The following DPF3 variants were observed in gnomAD, a reference collection of about 807,000 sequenced individuals.
DPF3 encodes the protein double PHD fingers 3.
In DPF3, 18 loss-of-function variants were observed where a neutral mutation model predicts 56.8. That is an observed-to-expected ratio of 0.32 (90% CI 0.22 to 0.47). The LOEUF is 0.47. DPF3 is among the 20% of genes least tolerant of loss of function. The pLI, the probability that DPF3 is intolerant of heterozygous loss-of-function variation, is 1.00. For missense variants in DPF3, 403 were observed against 488.8 expected (o/e 0.82, Z 1.65); for synonymous variants, 188 against 180.2 (o/e 1.04, Z -0.35).
intron 1 of DPF3, among the ~76,000 whole-genome samples, chr14:72,790,641 T>C (rs1182195694): frequency 6.6e-6 from 1 of 152,180 alleles, no homozygotes; most frequent in Non-Finnish European, 1.5e-5. Context: ...TTACACAGCT[T>C]GCCCAAGACC....
At chr14:72,786,418 G>T (rs933320350) in intron 1 of DPF3, among the ~76,000 whole-genome samples, 1 of 152,120 alleles carries the variant, frequency 6.6e-6, no homozygotes, top group Non-Finnish European at 1.5e-5. Context: ...ACAGCCCCTC[G>T]GCCAAACATA....
intron 6 of DPF3, among the ~76,000 whole-genome samples, chr14:72,707,201 C>T (rs1380424016): frequency 6.6e-6 from 1 of 152,074 alleles, no homozygotes; most frequent in African/African-American, 2.4e-5. Context: ...GTACATGTGC[C>T]ACATTTTCTT....
chr14:72,712,473 G>A (rs1159486099), intron 6 of DPF3, among the ~76,000 whole-genome samples: 5 of 152,198 alleles, frequency 3.3e-5, no homozygotes, highest in African/African-American at 1.2e-4. Context: ...GAGTCCATGG[G>A]ATTATGATGG....
Position 72,609,046 on chromosome 14 carries a change from CT to C in DPF3, c.*10250del, listed in dbSNP as rs1567172674. On this transcript the variant is annotated 3_prime_UTR_variant, in exon 11 of 11. Transcript: ENST00000556509. ...TAAGAGTTTCCAAGAGTTTTAAAGC[CT>C]TTTATTTGTTTACACATTCTCTAAA... is the stretch of plus-strand genomic sequence containing the variant. Among the ~76,000 whole-genome samples, 2 of 152,164 alleles carry C rather than the reference CT, an allele frequency of 1.3e-5. No homozygotes were observed. Among genetic ancestry groups the C allele is most frequent in the Non-Finnish European group, 2.9e-5 (2 of 68,034 alleles).
chr14:72,863,146 ATGTGTGTGTGTG>A (rs57171669), intron 1 of DPF3, among the ~76,000 whole-genome samples: 7,629 of 140,632 alleles, frequency 0.054, 280 homozygotes, highest in Non-Finnish European at 0.08. Flanking sequence ...GTATATATAT[ATGTGTGTGTGTG>A]TGTGTGTGTG....
chr14:72,857,696 C>T (rs1337156506), intron 1 of DPF3, among the ~76,000 whole-genome samples: 1 of 152,106 alleles, frequency 6.6e-6, no homozygotes, highest in Non-Finnish European at 1.5e-5. Context: ...AAGCAATTCT[C>T]CTGCCTCAGC....
At chr14:72,780,850 C>T (rs1016289458) in intron 1 of DPF3, among the ~76,000 whole-genome samples, 2 of 152,192 alleles carry the variant, frequency 1.3e-5, no homozygotes, top group African/African-American at 2.4e-5. Flanking sequence ...TCCTTCTCTG[C>T]ATGGGTAGAA....
At chr14:72,846,437 G>A (rs907332966) in intron 1 of DPF3, among the ~76,000 whole-genome samples, 7 of 145,268 alleles carry the variant, frequency 4.8e-5, no homozygotes, top group Non-Finnish European at 8.9e-5. Flanking sequence ...CTGGGTTCAC[G>A]CCATTCTCCT....
chr14:72,883,697 G>T (rs887856030), intron 1 of DPF3, among the ~76,000 whole-genome samples: 14 of 152,116 alleles, frequency 9.2e-5, no homozygotes, highest in African/African-American at 2.7e-4. Context: ...GGAGGCCCAG[G>T]TGGGCAGATC....
intron 3 of DPF3, among the ~76,000 whole-genome samples, chr14:72,740,766 GT>G (rs1419229960): frequency 6.6e-6 from 1 of 152,230 alleles, no homozygotes; most frequent in African/African-American, 2.4e-5. Context: ...GGCCTTCCCA[GT>G]TCATCTCTGT....
chr14:72,686,234 C>T (rs1366452894), intron 7 of DPF3, among the ~76,000 whole-genome samples: 1 of 152,176 alleles, frequency 6.6e-6, no homozygotes, highest in East Asian at 1.9e-4. Context: ...GTGGCAAAGT[C>T]CCATCACATG....
At chr14:72,739,161 G>A (rs1890024450) in intron 3 of DPF3, among the ~76,000 whole-genome samples, 1 of 151,750 alleles carries the variant, frequency 6.6e-6, no homozygotes, top group Admixed American at 6.6e-5. Flanking sequence ...AGAATCGCTT[G>A]AACCTGGAAG....
chr14:72,649,452 G>T (rs773569078), intron 8 of DPF3, among the ~76,000 whole-genome samples: 2 of 152,066 alleles, frequency 1.3e-5, no homozygotes, highest in Non-Finnish European at 2.9e-5. Flanking sequence ...AGAAGAGTGA[G>T]GACAGAGAGA....
intron 1 of DPF3, among the ~76,000 whole-genome samples, chr14:72,887,068 T>C (rs774061866): frequency 2.0e-4 from 30 of 151,410 alleles, no homozygotes; most frequent in Non-Finnish European, 4.3e-4. Flanking sequence ...GGTGCCATGG[T>C]AGAGGAGAAG....
intron 2 of DPF3, among the ~76,000 whole-genome samples, chr14:72,769,628 C>T (rs61225099): frequency 0.036 from 5,162 of 143,158 alleles, 217 homozygotes; most frequent in African/African-American, 0.11. Flanking sequence ...TGCAGTGAGC[C>T]GAGATCATGC....
Position 72,894,038 on chromosome 14 carries a change from A to G in DPF3, c.32+19T>C. 2 of 1,609,798 alleles carry G rather than the reference A, an allele frequency of 1.2e-6. No homozygotes were observed. Among genetic ancestry groups the G allele is most frequent in the Non-Finnish European group, 1.7e-6 (2 of 1,178,568 alleles). On this transcript the variant is annotated intron_variant, in intron 1 of 10. Coordinates refer to ENST00000556509, the MANE Select transcript of DPF3 (RefSeq NM_001280542.3). ...TATTGAAACCACGCGGAATATGTAC[A>G]TTTTTTAGTCTTACTTACGCTTTCA...
chr14:72,853,053 GTGTGTGTGTGTA>G (rs1885043449), intron 1 of DPF3, among the ~76,000 whole-genome samples: 5 of 151,848 alleles, frequency 3.3e-5, no homozygotes, highest in African/African-American at 1.2e-4. Context: ...GTGTGTATGT[GTGTGTGTGTGTA>G]TGCATGCTTG....
chr14:72,650,177 G>C (rs1319411531), intron 8 of DPF3, among the ~76,000 whole-genome samples: 1 of 152,176 alleles, frequency 6.6e-6, no homozygotes, highest in East Asian at 2.0e-4. Flanking sequence ...CTGGGGATGA[G>C]GGGGGACTGC....
Position 72,612,920 on chromosome 14 carries a change from T to G in DPF3, c.*6377A>C, listed in dbSNP as rs2153565044. On this transcript the variant is annotated 3_prime_UTR_variant, in exon 11 of 11. Coordinates refer to ENST00000556509, the MANE Select transcript of DPF3 (RefSeq NM_001280542.3). ...AGAAGACTTCAGGAAAGATGCACCT[T>G]GCCTGGCAGCCCCTGGCTCTCCCTC... Among the ~76,000 whole-genome samples the G allele has an allele frequency of 6.6e-6, 1 of 152,186 alleles. No individual in the cohort carries two copies. Among genetic ancestry groups the G allele is most frequent in the East Asian group, 1.9e-4 (1 of 5,168 alleles).
Sources: gnomAD v4.1 joint callset for allele counts (sites outside exome capture counted in the v4.1 genomes callset) on GRCh38, gnomAD v4.1.1 for gene constraint, MANE v1.5 for transcripts, NCBI Gene and HGNC (gene_info 2026-07-23, HGNC 2026-07-21) for gene names.